The following PAWR variants were observed in gnomAD, a reference collection of about 807,000 sequenced individuals.
PAWR encodes the protein pro-apoptotic WT1 regulator.
Under a neutral mutation model 32.0 loss-of-function variants are expected in PAWR, and 23 were observed. The ratio of observed to expected loss-of-function variants is 0.72; its 90% confidence interval spans 0.52 to 1.02. The LOEUF (loss-of-function observed/expected upper bound fraction) is 1.02, where lower values mean the gene tolerates loss of function less well. Ranked by LOEUF, PAWR falls within the 50% of genes least tolerant of loss-of-function variation. The pLI, the probability that PAWR is intolerant of heterozygous loss-of-function variation, is 0.00. For synonymous variants in PAWR, 226 were observed against 187.1 expected, an observed-to-expected ratio of 1.21 and a Z score of -1.70; for missense variants, 457 against 437.7, an observed-to-expected ratio of 1.04 and a Z score of -0.39.
At chr12:79,632,312 CATATATATATATATATATATATATAT>C (rs71091677) in intron 2 of PAWR, 1 of 11,602 alleles carries the variant, frequency 8.6e-5, no homozygotes, top group Non-Finnish European at 1.2e-4. Context: ...TATATACATA[CATATATATATATATATATATATATAT>C]ATATATATAT....
chr12:79,637,409 CCTT>C (rs1459291209), intron 2 of PAWR, among the ~76,000 whole-genome samples: 4 of 151,946 alleles, frequency 2.6e-5, no homozygotes, highest in African/African-American at 9.7e-5. Flanking sequence ...TACCATTAGT[CCTT>C]CTTTTATCTA....
intron 3 of PAWR, among the ~76,000 whole-genome samples, chr12:79,618,467 T>C (rs1566004546): frequency 6.6e-6 from 1 of 152,176 alleles, no homozygotes; most frequent in African/African-American, 2.4e-5. Context: ...TAAAATACTC[T>C]TAGCTATTTT....
intron 2 of PAWR, among the ~76,000 whole-genome samples, chr12:79,653,480 TTTTG>T (rs1379261776): frequency 2.6e-5 from 4 of 151,932 alleles, no homozygotes; most frequent in East Asian, 2.0e-4. Flanking sequence ...GTTTGCAGTG[TTTTG>T]TTTGTTTGTT....
intron 2 of PAWR, among the ~76,000 whole-genome samples, chr12:79,626,163 TAAA>T (rs565157190): frequency 1.8e-4 from 15 of 82,106 alleles, no homozygotes; most frequent in Admixed American, 5.1e-4. Context: ...GACTCCATCT[TAAA>T]AAAAAAAAAA....
At chr12:79,618,622 T>C (rs1874858566) in intron 3 of PAWR, among the ~76,000 whole-genome samples, 1 of 152,198 alleles carries the variant, frequency 6.6e-6, no homozygotes, top group Admixed American at 6.5e-5. Context: ...ACCATTCTAC[T>C]CTCTACTTCT....
intron 6 of PAWR, among the ~76,000 whole-genome samples, chr12:79,593,737 T>C (rs1200433295): frequency 6.8e-6 from 1 of 146,654 alleles, no homozygotes; most frequent in Non-Finnish European, 1.5e-5. Context: ...AGTCTTACTC[T>C]TGCTGCCCAG....
rs1321894917 is a variant in PAWR at position 79,613,647 on chromosome 12, G to A, written c.649-38C>T. 7 of 1,162,018 alleles carry A rather than the reference G, an allele frequency of 6.0e-6. No individual in the cohort carries two copies. The African/African-American group carries it at 1.1e-4, about 18-fold the overall frequency. The allele number at this position is 1,162,018 out of a possible 1,614,324, so 72.0% of individuals were successfully genotyped here. A position where few individuals can be genotyped will look rare whatever the true frequency, so the allele number is the denominator to read the frequency against. On this transcript the variant is annotated intron_variant, in intron 3 of 6. Transcript: ENST00000328827. ...AATAATTATGTATCAGTTTGAGTAT[G>A]TATGTACACAATTACTTATTATATA...
intron 2 of PAWR, among the ~76,000 whole-genome samples, chr12:79,688,803 A>C (rs1002239461): frequency 1.3e-5 from 2 of 152,230 alleles, no homozygotes; most frequent in African/African-American, 4.8e-5. Context: ...CAATGAGAAA[A>C]AGATGCAACT....
chr12:79,597,954 T>C (rs554198563), intron 4 of PAWR: 26 of 152,330 alleles, frequency 1.7e-4, no homozygotes, highest in African/African-American at 6.3e-4. Flanking sequence ...TTAACTGGGC[T>C]GGAGAATCTG....
rs747079693 is a variant in PAWR, at chr12:79,690,231, C to G, written c.14G>C (p.Gly5Ala). MATGGYRTSSGLGGS... is the reference protein window; with the variant it reads MATGAYRTSSGLGGS... Reference sequence around the variant, plus strand: ...GCCGAGGCCGCTGCTGGTCCGGTAGCCACCGGTCGCCATATTCCCAAAGGG... The same window carrying G: ...GCCGAGGCCGCTGCTGGTCCGGTAGGCACCGGTCGCCATATTCCCAAAGGG... Residue 5 changes from glycine to alanine, a missense_variant, in exon 2 of 7, where the codon GGC (glycine) becomes GCC (alanine). Gly to Ala is a moderately conservative substitution (Grantham distance 60). Transcript: ENST00000328827. 1 of 1,515,014 alleles carries G rather than the reference C, an allele frequency of 6.6e-7. No individual in the cohort carries two copies. Among genetic ancestry groups the G allele is most frequent in the South Asian group, 1.2e-5 (1 of 83,186 alleles). 93.8% of individuals were successfully genotyped at this position (1,515,014 alleles called of 1,614,324 possible).
At chr12:79,668,684 G>C (rs888823397) in intron 2 of PAWR, among the ~76,000 whole-genome samples, 4 of 152,174 alleles carry the variant, frequency 2.6e-5, no homozygotes, top group African/African-American at 9.7e-5. Context: ...CCGCTCATCT[G>C]TCAGGAGGCA....
chr12:79,634,125 A>C (rs946933914), intron 2 of PAWR, among the ~76,000 whole-genome samples: 1 of 152,178 alleles, frequency 6.6e-6, no homozygotes, highest in Non-Finnish European at 1.5e-5. Flanking sequence ...TGACTAAATA[A>C]CTATAAGTAA....
chr12:79,591,582 T>C lies in PAWR; in HGVS notation c.*1025A>G, dbSNP rs1204848898. 6.6e-6 allele frequency: 1 copy of C among 152,138 alleles called. No homozygotes were observed. Among genetic ancestry groups the C allele is most frequent in the Non-Finnish European group, 1.5e-5 (1 of 68,010 alleles). 9.4% of individuals were successfully genotyped at this position (152,138 alleles called of 1,614,324 possible). ...AGTAACTCTGTTTTTAAAATTTCAA[T>C]GTTAGGAAGAAAATCCCTTAAATTT... On this transcript the variant is annotated 3_prime_UTR_variant, in exon 7 of 7. Transcript: ENST00000328827.
chr12:79,671,123 T>TAAAAAAAAAAAAAAAAAAAAATA (rs80196711), intron 2 of PAWR, among the ~76,000 whole-genome samples: 1 of 99,008 alleles, frequency 1.0e-5, no homozygotes. Flanking sequence ...CCTTAGCACT[T>TAAAAAAAAAAAAAAAAAAAAATA]AAAAAAAAAA....
At chr12:79,621,520 TAAAC>T (rs1483364881) in intron 2 of PAWR, among the ~76,000 whole-genome samples, 2 of 151,792 alleles carry the variant, frequency 1.3e-5, no homozygotes, top group African/African-American at 2.4e-5. Flanking sequence ...ACGTCTACCT[TAAAC>T]AAGGCATTCT....
intron 2 of PAWR, among the ~76,000 whole-genome samples, chr12:79,663,453 G>C (rs1310800101): frequency 2.6e-5 from 4 of 152,146 alleles, no homozygotes; most frequent in South Asian, 2.1e-4. Flanking sequence ...ATTCATTAAA[G>C]TTCCCTTCGT....
chr12:79,609,626 C>T (rs1020247465), intron 4 of PAWR, among the ~76,000 whole-genome samples: 2 of 152,108 alleles, frequency 1.3e-5, no homozygotes, highest in African/African-American at 2.4e-5. Context: ...CTTGACAATG[C>T]TGCACCAGGG....
chr12:79,591,243 T>C lies in PAWR; in HGVS notation c.*1364A>G, dbSNP rs1275161564. 6.6e-6 allele frequency: 1 copy of C among 152,172 alleles called. No homozygotes were observed. Among genetic ancestry groups the C allele is most frequent in the African/African-American group, 2.4e-5 (1 of 41,444 alleles). The allele number at this position is 152,172 out of a possible 1,614,324, so 9.4% of individuals were successfully genotyped here. On this transcript the variant is annotated 3_prime_UTR_variant, in exon 7 of 7. Transcript: ENST00000328827. ...ACTTTTAGAATTCAACATTTGATTA[T>C]CATTTACTCCACATTTTCCCCCAGC...
In PAWR at chr12:79,666,125, A is replaced by G. The variant is rs544221448; in HGVS notation, c.516+23604T>C. ...TGCATCTTAATAATTTAAGAAGCCA[A>G]CTGTATTAGTGGAGTCCTTCCTTCA... On this transcript the variant is annotated intron_variant, in intron 2 of 6. Transcript: ENST00000328827. Among the ~76,000 whole-genome samples, 67 of 152,306 alleles carry G rather than the reference A, an allele frequency of 4.4e-4. No individual in the cohort carries two copies. The South Asian group carries it at 0.014, about 32-fold the overall frequency.
Sources: gnomAD v4.1 joint callset for allele counts (sites outside exome capture counted in the v4.1 genomes callset) on GRCh38, gnomAD v4.1.1 for gene constraint, MANE v1.5 for transcripts, NCBI Gene and HGNC (gene_info 2026-07-23, HGNC 2026-07-21) for gene names.